Variants in TRAM2 observed in about 807,000 individuals in gnomAD.
TRAM2 encodes the protein translocating chain-associated membrane protein 2.
In TRAM2, 12 loss-of-function variants were observed where a neutral mutation model predicts 51.0. The ratio of observed to expected loss-of-function variants is 0.24; its 90% confidence interval spans 0.15 to 0.38. The LOEUF (loss-of-function observed/expected upper bound fraction) is 0.38. TRAM2 is among the 10% of genes least tolerant of loss of function. The pLI, the probability that TRAM2 is intolerant of heterozygous loss-of-function variation, is 1.00. For missense variants in TRAM2, 361 were observed against 462.0 expected (o/e 0.78, Z 2.00); for synonymous variants, 175 against 179.4 (o/e 0.98, Z 0.20).
chr6:52,565,777 T>C (rs1469429887), intron 1 of TRAM2, among the ~76,000 whole-genome samples: 2 of 152,206 alleles, frequency 1.3e-5, no homozygotes, highest in Admixed American at 1.3e-4. Context: ...GCTAAGTAAC[T>C]TTTCTGAATA....
rs950855077 is a variant in TRAM2 at position 52,516,959 on chromosome 6, T to A, written c.185-222A>T. On this transcript the variant is annotated intron_variant, in intron 2 of 10. Transcript: ENST00000182527. ...GGCTAAGGAGAACCAAGTGCATGGCTGTATTGTCATAACAGTATCTCCTGA... is the reference window on the plus strand; with the variant it reads ...GGCTAAGGAGAACCAAGTGCATGGCAGTATTGTCATAACAGTATCTCCTGA... The A allele has an allele frequency of 5.5e-5, 30 of 549,630 alleles. No individual in the cohort carries two copies. In the East Asian group the frequency reaches 7.9e-4, roughly 15 times the overall value. 34.0% of individuals were successfully genotyped at this position (549,630 alleles called of 1,614,324 possible).
chr6:52,512,338 A>C (rs918640507), intron 4 of TRAM2, among the ~76,000 whole-genome samples: 12 of 152,138 alleles, frequency 7.9e-5, no homozygotes, highest in Non-Finnish European at 1.6e-4. Flanking sequence ...CCCCAGAAAA[A>C]TGTTGCCTGC....
intron 2 of TRAM2, among the ~76,000 whole-genome samples, chr6:52,535,367 G>C (rs1200444763): frequency 6.6e-6 from 1 of 152,216 alleles, no homozygotes; most frequent in African/African-American, 2.4e-5. Context: ...GAGGCTGCCA[G>C]AGGCTGGTTG....
intron 1 of TRAM2, among the ~76,000 whole-genome samples, chr6:52,541,376 G>A (rs759115443): frequency 5.3e-5 from 8 of 152,120 alleles, no homozygotes; most frequent in Non-Finnish European, 7.4e-5. Context: ...GATAAGCACG[G>A]GAAGGATAAA....
intron 1 of TRAM2, among the ~76,000 whole-genome samples, chr6:52,551,033 A>C (rs966244518): frequency 6.6e-6 from 1 of 152,198 alleles, no homozygotes; most frequent in Admixed American, 6.5e-5. Flanking sequence ...TTCTTTAGGC[A>C]TGACACCCTG....
chr6:52,554,051 C>T (rs62405873), intron 1 of TRAM2, among the ~76,000 whole-genome samples: 3,162 of 152,186 alleles, frequency 0.021, 36 homozygotes, highest in South Asian at 0.036. Context: ...GCACACCATC[C>T]GCCCCAGCAC....
intron 1 of TRAM2, among the ~76,000 whole-genome samples, chr6:52,575,913 G>C (rs1767755195): frequency 6.6e-6 from 1 of 152,152 alleles, no homozygotes; most frequent in Admixed American, 6.5e-5. Flanking sequence ...TTCTTGCTCT[G>C]CAAGAGTAGG....
chr6:52,566,050 G>GAAGTT (rs1217530502), intron 1 of TRAM2, among the ~76,000 whole-genome samples: 1 of 152,208 alleles, frequency 6.6e-6, no homozygotes, highest in Non-Finnish European at 1.5e-5. Flanking sequence ...TAAGAAATTA[G>GAAGTT]AAGTTACATG....
intron 10 of TRAM2, among the ~76,000 whole-genome samples, chr6:52,504,151 T>C (rs1766295331): frequency 1.3e-5 from 2 of 152,218 alleles, no homozygotes; most frequent in Admixed American, 1.3e-4. Flanking sequence ...TGAGTCATTC[T>C]TGGAGACAGA....
chr6:52,567,650 C>G (rs1357066350), intron 1 of TRAM2, among the ~76,000 whole-genome samples: 4 of 152,200 alleles, frequency 2.6e-5, no homozygotes, highest in Non-Finnish European at 5.9e-5. Context: ...GTCTGGATAG[C>G]CAAATTCTCC....
At chr6:52,530,654 G>A (rs1001674253) in intron 2 of TRAM2, among the ~76,000 whole-genome samples, 4 of 152,116 alleles carry the variant, frequency 2.6e-5, no homozygotes, top group Non-Finnish European at 5.9e-5. Flanking sequence ...CTTCACACGC[G>A]AAGGAACTAC....
intron 4 of TRAM2, among the ~76,000 whole-genome samples, chr6:52,512,787 G>A (rs772259619): frequency 1.3e-5 from 2 of 152,168 alleles, no homozygotes; most frequent in Non-Finnish European, 2.9e-5. Context: ...GCACAGGCAA[G>A]TGCTACATAA....
chr6:52,546,561 T>A (rs1460974892), intron 1 of TRAM2, among the ~76,000 whole-genome samples: 2 of 152,208 alleles, frequency 1.3e-5, no homozygotes, highest in Non-Finnish European at 2.9e-5. Flanking sequence ...AAAGACTTGA[T>A]GGCACAATTA....
At chr6:52,533,982 G>A (rs555864080) in intron 2 of TRAM2, among the ~76,000 whole-genome samples, 335 of 152,152 alleles carry the variant, frequency 2.2e-3, no homozygotes, top group Non-Finnish European at 3.6e-3. Context: ...TTACTTGGGA[G>A]GCTGAGGCAG....
chr6:52,561,442 CTGGCTAATTTCTTTTATACTTTAGTA>C (rs1180441685), intron 1 of TRAM2, among the ~76,000 whole-genome samples: 1 of 151,714 alleles, frequency 6.6e-6, no homozygotes, highest in African/African-American at 2.4e-5. Context: ...GCCGCCATGC[CTGGCTAATTTCTTTTATACTTTAGTA>C]GAGATGGAGT....
chr6:52,505,742 C>G lies in TRAM2; in HGVS notation c.732G>C (p.Leu244=). Residue 244 remains leucine, a splice_region_variant and synonymous_variant, in exon 9 of 11, where the codon CTG becomes CTC. Coordinates refer to ENST00000182527, the MANE Select transcript of TRAM2 (RefSeq NM_012288.4). ...FYFADENNEK[L]FSAWAAVFGV... is the part of the protein sequence containing the mutation. ...CAAAAACAGCAGCCCAGGCACTGAA[C>G]CTGCTCACAGAGGCAGAAGAGGGAT... 6.2e-7 allele frequency: 1 copy of G among 1,605,964 alleles called. No individual in the cohort carries two copies. The highest frequency in any genetic ancestry group is 8.5e-7 in the Non-Finnish European group (1 of 1,175,748).
At chr6:52,507,499 A>G (rs1766371292) in intron 7 of TRAM2, 54 bp downstream of exon 7, 2 of 1,561,842 alleles carry the variant, frequency 1.3e-6, no homozygotes, top group Non-Finnish European at 1.8e-6. Flanking sequence ...GTGTGGACAG[A>G]TGCATGGACA....
chr6:52,544,001 C>T (rs1408029669), intron 1 of TRAM2, among the ~76,000 whole-genome samples: 1 of 152,184 alleles, frequency 6.6e-6, no homozygotes, highest in African/African-American at 2.4e-5. Flanking sequence ...AATTATTCTC[C>T]ACCACCTTGA....
chr6:52,533,493 A>G (rs998289366), intron 2 of TRAM2, among the ~76,000 whole-genome samples: 7 of 152,174 alleles, frequency 4.6e-5, no homozygotes, highest in Non-Finnish European at 1.0e-4. Context: ...TTCCTGGCCC[A>G]CTGAGGACAG....
Sources: allele counts gnomAD v4.1 joint callset (sites outside exome capture counted in the v4.1 genomes callset), GRCh38; gene constraint gnomAD v4.1.1; transcripts MANE v1.5; gene names NCBI Gene and HGNC (gene_info 2026-07-23, HGNC 2026-07-21).